The following PCDH15 variants were observed in gnomAD, a reference collection of about 807,000 sequenced individuals.
PCDH15 encodes the protein protocadherin-15.
Under a neutral mutation model 178.5 loss-of-function variants are expected in PCDH15, and 129 were observed. The ratio of observed to expected loss-of-function variants is 0.72; its 90% CI spans 0.63 to 0.84. The LOEUF (loss-of-function observed/expected upper bound fraction) is 0.84. PCDH15 is among the 40% of genes least tolerant of loss of function. The probability of loss-of-function intolerance (pLI) is 0.00; values close to 1 mark genes in which losing one functional copy is unlikely to be tolerated. For synonymous variants in PCDH15, 800 were observed against 732.0 expected, an observed-to-expected ratio of 1.09 and a Z score of -1.50; for missense variants, 2,230 against 2,099.9, an observed-to-expected ratio of 1.06 and a Z score of -1.21.
At chr10:55,079,914 G>T (rs982857546) in intron 2 of PCDH15, among the ~76,000 whole-genome samples, 4 of 152,070 alleles carry the variant, frequency 2.6e-5, no homozygotes, top group Admixed American at 6.6e-5. Flanking sequence ...TAAACTGATG[G>T]TGTTTGATCT....
intron 2 of PCDH15, among the ~76,000 whole-genome samples, chr10:55,089,585 G>A (rs766753544): frequency 2.3e-4 from 35 of 151,840 alleles, no homozygotes; most frequent in Admixed American, 4.6e-4. Context: ...AACAAATTCC[G>A]CTTCTTACAT....
At chr10:54,760,706 G>A (rs990103287) in intron 1 of PCDH15, among the ~76,000 whole-genome samples, 1 of 152,098 alleles carries the variant, frequency 6.6e-6, no homozygotes, top group African/African-American at 2.4e-5. Context: ...GAGATGTTTA[G>A]AATTAAATGT....
intron 25 of PCDH15, among the ~76,000 whole-genome samples, chr10:53,937,570 T>C (rs1287941609): frequency 6.6e-6 from 1 of 152,194 alleles, no homozygotes; most frequent in Non-Finnish European, 1.5e-5. Context: ...TTGAGGACAA[T>C]TCAATTCCTT....
intron 1 of PCDH15, among the ~76,000 whole-genome samples, chr10:54,703,041 G>A (rs2095327367): frequency 6.6e-6 from 1 of 152,088 alleles, no homozygotes; most frequent in African/African-American, 2.4e-5. Flanking sequence ...GATCAAGTAG[G>A]CTTTATCCCT....
At chr10:55,263,125 T>C (rs954434762) in intron 1 of PCDH15, among the ~76,000 whole-genome samples, 9 of 152,164 alleles carry the variant, frequency 5.9e-5, no homozygotes, top group East Asian at 1.9e-4. Flanking sequence ...TGTGAAACTA[T>C]AGAATCAGTC....
chr10:55,108,814 C>T (rs1021407726), intron 2 of PCDH15, among the ~76,000 whole-genome samples: 2 of 151,950 alleles, frequency 1.3e-5, no homozygotes, highest in Non-Finnish European at 2.9e-5. Flanking sequence ...AACTTAGTCA[C>T]GCAGTCACAC....
upstream of PCDH15, among the ~76,000 whole-genome samples, chr10:55,321,623 A>G (rs1174635565): frequency 6.6e-6 from 1 of 152,234 alleles, no homozygotes; most frequent in African/African-American, 2.4e-5. Context: ...CTGGTCACCT[A>G]CAAAGGGAAC....
At chr10:54,109,148 A>G (rs2094968779) in intron 15 of PCDH15, among the ~76,000 whole-genome samples, 2 of 152,162 alleles carry the variant, frequency 1.3e-5, no homozygotes, top group Non-Finnish European at 2.9e-5. Context: ...AATGTAAATC[A>G]GTACAACTAC....
chr10:54,533,547 A>G (rs185473514), intron 2 of PCDH15, among the ~76,000 whole-genome samples: 39 of 152,334 alleles, frequency 2.6e-4, no homozygotes, highest in African/African-American at 9.1e-4. Context: ...TAGAATTCCA[A>G]GATGTTTTAT....
intron 2 of PCDH15, among the ~76,000 whole-genome samples, chr10:55,346,698 T>A (rs541189426): frequency 6.6e-6 from 1 of 152,092 alleles, no homozygotes; most frequent in Non-Finnish European, 1.5e-5. Flanking sequence ...TTGGACTTTT[T>A]TTTTTTTTTG....
rs571793430 is a variant in PCDH15, at chr10:54,751,221, A to T, written c.-29+49704T>A. Among the ~76,000 whole-genome samples the T allele has an allele frequency of 1.5e-4, 23 of 152,232 alleles. No individual in the cohort carries two copies. In the South Asian group the frequency reaches 4.4e-3, roughly 29 times the overall value. Reference sequence around the variant, plus strand: ...TATTTATTCTTCCCAACTTTGCCAGATAAGATTTATCTCTACTATGTTGAA... The same window carrying T: ...TATTTATTCTTCCCAACTTTGCCAGTTAAGATTTATCTCTACTATGTTGAA... On this transcript the variant is annotated intron_variant, in intron 1 of 37. Transcript: ENST00000644397.
intron 2 of PCDH15, among the ~76,000 whole-genome samples, chr10:54,632,863 C>T (rs1260832981): frequency 6.6e-6 from 1 of 151,536 alleles, no homozygotes. Context: ...ACAAGAAGTT[C>T]CAAGAAAAAA....
chr10:54,663,957 G>A (rs1298204869), intron 2 of PCDH15, among the ~76,000 whole-genome samples: 1 of 151,910 alleles, frequency 6.6e-6, no homozygotes, highest in Admixed American at 6.6e-5. Flanking sequence ...GTACTAAACT[G>A]TATTCCTTCT....
At chr10:55,276,503 T>C (rs913848911) in intron 1 of PCDH15, among the ~76,000 whole-genome samples, 2 of 151,428 alleles carry the variant, frequency 1.3e-5, no homozygotes, top group Admixed American at 1.3e-4. Flanking sequence ...CCTTTTTTAA[T>C]GCAATGAATT....
intron 3 of PCDH15, among the ~76,000 whole-genome samples, chr10:54,477,916 ATACT>A (rs1327774013): frequency 1.3e-5 from 2 of 152,190 alleles, no homozygotes; most frequent in Non-Finnish European, 2.9e-5. Flanking sequence ...TTAAAATGAA[ATACT>A]TACTTGGCAG....
intron 2 of PCDH15, among the ~76,000 whole-genome samples, chr10:54,976,557 C>T (rs1839077261): frequency 6.6e-6 from 1 of 152,098 alleles, no homozygotes; most frequent in South Asian, 2.1e-4. Context: ...GGTGGTGCCA[C>T]AGAACCAGTT....
chr10:54,203,642 A>G (rs1318628558), intron 10 of PCDH15, among the ~76,000 whole-genome samples: 1 of 152,158 alleles, frequency 6.6e-6, no homozygotes, highest in Non-Finnish European at 1.5e-5. Flanking sequence ...ATATAAGGCT[A>G]CTATGTAATT....
rs548702822 is a variant in PCDH15, at chr10:55,540,893, C to T, written c.-156+86732G>A. On this transcript the variant is annotated intron_variant, in intron 2 of 5. Transcript: ENST00000613346. ...CTTATATTTAAAATACTACATATAA[C>T]GTCTGTAGAATTGCCACCATATATA... 3.3e-5 allele frequency among the ~76,000 whole-genome samples: 5 copies of T among 152,072 alleles called. No individual in the cohort carries two copies. The South Asian group carries it at 1.0e-3, about 32-fold the overall frequency.
chr10:53,991,702 T>C (rs1278780951), intron 21 of PCDH15, among the ~76,000 whole-genome samples: 1 of 152,002 alleles, frequency 6.6e-6, no homozygotes, highest in African/African-American at 2.4e-5. Flanking sequence ...CAATCAGTGC[T>C]CTGTGTCTAG....
Sources: gnomAD v4.1 joint callset for allele counts (sites outside exome capture counted in the v4.1 genomes callset) on GRCh38, gnomAD v4.1.1 for gene constraint, MANE v1.5 for transcripts, NCBI Gene and HGNC (gene_info 2026-07-23, HGNC 2026-07-21) for gene names.